The following CFAP210 variants were observed in gnomAD, a reference collection of about 807,000 sequenced individuals.
CFAP210 encodes cilia and flagella associated protein 210, also known as cilia- and flagella- associated protein 210.
chr2:169,688,287 C>T, the CFAP210 span, among the ~76,000 whole-genome samples: 1 of 152,246 alleles, frequency 6.6e-6, no homozygotes, highest in Admixed American at 6.5e-5. Context: ...TGAATTTCTC[C>T]CCAGAAAACT....
chr2:169,664,641 C>T, the CFAP210 span, among the ~76,000 whole-genome samples: 1 of 152,140 alleles, frequency 6.6e-6, no homozygotes. Context: ...AAGGAAGAAA[C>T]ACATAACATT....
At chr2:169,654,057 C>T in the CFAP210 span, 2 of 1,596,224 alleles carry the variant, frequency 1.3e-6, no homozygotes, top group South Asian at 2.3e-5. Context: ...CTTTATTATA[C>T]ACATTATTAA....
chr2:169,647,338 AAT>A, the CFAP210 span, among the ~76,000 whole-genome samples: 1 of 152,158 alleles, frequency 6.6e-6, no homozygotes, highest in Non-Finnish European at 1.5e-5. Flanking sequence ...AGGAAGTGAC[AAT>A]GGAAGGAAAG....
At chr2:169,645,866 T>C in the CFAP210 span, 2 of 1,612,578 alleles carry the variant, frequency 1.2e-6, no homozygotes, top group Non-Finnish European at 1.7e-6. Context: ...TAGCCTTCTC[T>C]TTGACTTTTG....
the CFAP210 span, among the ~76,000 whole-genome samples, chr2:169,693,555 C>T: frequency 2.3e-4 from 35 of 152,288 alleles, no homozygotes; most frequent in African/African-American, 7.9e-4. Context: ...TTCAAATTGC[C>T]AAAGTTCTAG....
the CFAP210 span, among the ~76,000 whole-genome samples, chr2:169,689,630 G>A: frequency 1.3e-5 from 2 of 152,160 alleles, no homozygotes; most frequent in Non-Finnish European, 2.9e-5. Flanking sequence ...GCCATGGCTA[G>A]AATTTCCAGT....
chr2:169,682,014 C>A, the CFAP210 span, among the ~76,000 whole-genome samples: 1 of 152,170 alleles, frequency 6.6e-6, no homozygotes, highest in Non-Finnish European at 1.5e-5. Flanking sequence ...TGCTAATCAA[C>A]TCAACCTGAA....
At chr2:169,662,093 A>G in the CFAP210 span, among the ~76,000 whole-genome samples, 4 of 152,248 alleles carry the variant, frequency 2.6e-5, no homozygotes, top group East Asian at 7.7e-4. Context: ...TGTTCCCAAC[A>G]CGAAGAAATG....
At chr2:169,661,489 A>G in the CFAP210 span, 13 of 256,836 alleles carry the variant, frequency 5.1e-5, no homozygotes, top group Admixed American at 9.5e-5. Context: ...GGGAAGCCCC[A>G]GGCCTGGAGC....
At chr2:169,656,164 C>G in the CFAP210 span, among the ~76,000 whole-genome samples, 15,363 of 152,100 alleles carry the variant, frequency 0.1, 969 homozygotes, top group Middle Eastern at 0.19. Flanking sequence ...GCAGCACATG[C>G]CTGTAGTCCC....
At chr2:169,656,771 C>T in the CFAP210 span, among the ~76,000 whole-genome samples, 1 of 151,776 alleles carries the variant, frequency 6.6e-6, no homozygotes, top group Admixed American at 6.6e-5. Flanking sequence ...CAAGACCAGC[C>T]TGGCCAACAT....
the CFAP210 span, among the ~76,000 whole-genome samples, chr2:169,669,665 G>C: frequency 1.7e-4 from 26 of 151,970 alleles, no homozygotes; most frequent in Non-Finnish European, 3.5e-4. Context: ...TTAGGTTTCT[G>C]GTTTGAAAAA....
At chr2:169,645,867 T>A in the CFAP210 span, 18 of 1,612,500 alleles carry the variant, frequency 1.1e-5, no homozygotes, top group African/African-American at 1.5e-4. Context: ...AGCCTTCTCT[T>A]TGACTTTTGA....
At chr2:169,662,345 T>C in the CFAP210 span, 4 of 1,605,508 alleles carry the variant, frequency 2.5e-6, no homozygotes, top group Non-Finnish European at 3.4e-6. Flanking sequence ...CTCATTTCAA[T>C]TTCATATAAT....
the CFAP210 span, chr2:169,675,179 C>T: frequency 1.5e-6 from 1 of 687,850 alleles, no homozygotes; most frequent in Non-Finnish European, 2.1e-6. Flanking sequence ...AATGAGGCTA[C>T]ACTTATGAGC....
At chr2:169,681,118 G>A in the CFAP210 span, 1 of 1,613,850 alleles carries the variant, frequency 6.2e-7, no homozygotes, top group South Asian at 1.1e-5. Flanking sequence ...ACCTGTCAAG[G>A]CTATCTTGAA....
the CFAP210 span, among the ~76,000 whole-genome samples, chr2:169,690,663 CAAAA>C: frequency 2.9e-4 from 31 of 106,156 alleles, no homozygotes; most frequent in African/African-American, 9.4e-4. Flanking sequence ...GACTCTGTCT[CAAAA>C]AAAAAAAAAA....
At chr2:169,650,129 A>G in the CFAP210 span, among the ~76,000 whole-genome samples, 1 of 152,330 alleles carries the variant, frequency 6.6e-6, no homozygotes, top group South Asian at 2.1e-4. Context: ...TTGCATCTAT[A>G]AATATCTTTT....
the CFAP210 span, among the ~76,000 whole-genome samples, chr2:169,669,774 T>TA: frequency 0.056 from 7,469 of 133,134 alleles, 273 homozygotes; most frequent in East Asian, 0.11. Context: ...GACTCCGTCT[T>TA]AAAAAAAAAA....
Sources: allele counts gnomAD v4.1 joint callset (sites outside exome capture counted in the v4.1 genomes callset), GRCh38; gene constraint gnomAD v4.1.1; transcripts MANE v1.5; gene names NCBI Gene and HGNC (gene_info 2026-07-23, HGNC 2026-07-21).